RIGI: variants seen among roughly 807,000 people sequenced by gnomAD.
RIGI encodes the protein antiviral innate immune response receptor RIG-I.
At chr9:32,489,787 C>A in the RIGI span, among the ~76,000 whole-genome samples, 6 of 152,096 alleles carry the variant, frequency 3.9e-5, no homozygotes, top group Non-Finnish European at 7.4e-5. Context: ...GTGAAAAAAG[C>A]AACAAATCCT....
chr9:32,526,004 G>C, the RIGI span: 1 of 1,333,888 alleles, frequency 7.5e-7, no homozygotes, highest in Non-Finnish European at 1.1e-6. Flanking sequence ...AACGAAGCAA[G>C]AGAAAAACAA....
the RIGI span, chr9:32,473,111 T>G: frequency 7.3e-6 from 10 of 1,363,040 alleles, no homozygotes; most frequent in Non-Finnish European, 1.0e-5. Context: ...TTATAAATCA[T>G]TTGTATTAAT....
At chr9:32,491,411 T>TCTTTTATAC in the RIGI span, 1 of 1,608,470 alleles carries the variant, frequency 6.2e-7, no homozygotes, top group Non-Finnish European at 8.5e-7. Context: ...TGTTTCAACA[T>TCTTTTATAC]CTTTTATACC....
the RIGI span, among the ~76,000 whole-genome samples, chr9:32,461,669 G>A: frequency 6.6e-6 from 1 of 152,102 alleles, no homozygotes; most frequent in Non-Finnish European, 1.5e-5. Flanking sequence ...CCTCTTCTCT[G>A]TTAGGCTAGT....
the RIGI span, among the ~76,000 whole-genome samples, chr9:32,459,095 G>T: frequency 6.7e-6 from 1 of 148,558 alleles, no homozygotes; most frequent in Non-Finnish European, 1.5e-5. Context: ...CACCATGTTG[G>T]CCGGGCTGGT....
At chr9:32,485,455 C>A in the RIGI span, 3 of 618,612 alleles carry the variant, frequency 4.8e-6, no homozygotes, top group Non-Finnish European at 8.7e-6. Flanking sequence ...AACAAATGCT[C>A]AAAATGCAAT....
chr9:32,508,961 T>A, the RIGI span, among the ~76,000 whole-genome samples: 1 of 152,120 alleles, frequency 6.6e-6, no homozygotes, highest in Non-Finnish European at 1.5e-5. Flanking sequence ...CCTATTCCCC[T>A]CACAGTGTAA....
At chr9:32,475,375 T>A in the RIGI span, among the ~76,000 whole-genome samples, 3 of 151,670 alleles carry the variant, frequency 2.0e-5, no homozygotes, top group Admixed American at 2.0e-4. Flanking sequence ...AAAAAAAAAA[T>A]TGGAGGACTC....
At chr9:32,516,727 T>TA in the RIGI span, among the ~76,000 whole-genome samples, 6 of 152,192 alleles carry the variant, frequency 3.9e-5, no homozygotes, top group Admixed American at 2.0e-4. Flanking sequence ...CTCAGTATGA[T>TA]ACTCTAGAGA....
chr9:32,480,232 A>G, the RIGI span: 1 of 1,601,598 alleles, frequency 6.2e-7, no homozygotes, highest in African/African-American at 1.3e-5. Flanking sequence ...CAAATCTCTG[A>G]GTAAGATCTT....
chr9:32,466,414 C>G, the RIGI span: 1 of 1,612,568 alleles, frequency 6.2e-7, no homozygotes, highest in Non-Finnish European at 8.5e-7. Context: ...CAGAAGGAAG[C>G]ACTTGCTACC....
the RIGI span, among the ~76,000 whole-genome samples, chr9:32,517,104 C>G: frequency 6.6e-6 from 1 of 152,216 alleles, no homozygotes; most frequent in African/African-American, 2.4e-5. Flanking sequence ...TTTTATGCCG[C>G]TGTTTTAAGC....
the RIGI span, among the ~76,000 whole-genome samples, chr9:32,508,880 C>G: frequency 1.3e-5 from 2 of 152,188 alleles, no homozygotes; most frequent in African/African-American, 2.4e-5. Context: ...GCACAACAAT[C>G]TGAAGTTGAC....
chr9:32,509,070 G>T, the RIGI span, among the ~76,000 whole-genome samples: 1 of 152,110 alleles, frequency 6.6e-6, no homozygotes, highest in Non-Finnish European at 1.5e-5. Flanking sequence ...TCTAGGCAGG[G>T]CATCTCTGAA....
the RIGI span, among the ~76,000 whole-genome samples, chr9:32,488,506 A>G: frequency 2.6e-5 from 4 of 152,246 alleles, no homozygotes; most frequent in African/African-American, 9.6e-5. Context: ...TAAACATCAA[A>G]TTTATTCCTG....
chr9:32,468,352 G>C, the RIGI span, among the ~76,000 whole-genome samples: 1 of 152,216 alleles, frequency 6.6e-6, no homozygotes, highest in Non-Finnish European at 1.5e-5. Flanking sequence ...CAAAGGGTAA[G>C]TGCTCTGATT....
At chr9:32,521,161 A>AAAAAAAAAAAAAAAAAC in the RIGI span, among the ~76,000 whole-genome samples, 1 of 150,634 alleles carries the variant, frequency 6.6e-6, no homozygotes, top group African/African-American at 2.4e-5. Context: ...AAAAAAAAAA[A>AAAAAAAAAAAAAAAAAC]ACTTCACAGA....
chr9:32,523,575 A>G, the RIGI span, among the ~76,000 whole-genome samples: 3 of 152,070 alleles, frequency 2.0e-5, no homozygotes, highest in Admixed American at 6.6e-5. Flanking sequence ...ACTCCCCAAG[A>G]GACCTATTGA....
the RIGI span, chr9:32,455,687 A>T: frequency 6.6e-6 from 1 of 152,178 alleles, no homozygotes; most frequent in Non-Finnish European, 1.5e-5. Flanking sequence ...GAAAATGAAA[A>T]AAAACCAACT....
Sources: gnomAD v4.1 joint callset for allele counts (sites outside exome capture counted in the v4.1 genomes callset) on GRCh38, gnomAD v4.1.1 for gene constraint, MANE v1.5 for transcripts, NCBI Gene and HGNC (gene_info 2026-07-23, HGNC 2026-07-21) for gene names.